The following PTK2 variants were observed in gnomAD, a reference collection of about 807,000 sequenced individuals.
PTK2 encodes protein tyrosine kinase 2.
Under a neutral mutation model 150.1 loss-of-function variants are expected in PTK2, and 45 were observed. That is an observed-to-expected ratio of 0.30 (90% CI 0.24 to 0.38). PTK2 has a LOEUF of 0.38. Ranked by LOEUF, PTK2 falls within the 10% of genes least tolerant of loss-of-function variation. PTK2 has a pLI of 1.00. For missense variants in PTK2, 919 were observed against 1,307.3 expected, an observed-to-expected ratio of 0.70 and a Z score of 4.58; for synonymous variants, 432 against 449.2, an observed-to-expected ratio of 0.96 and a Z score of 0.48.
chr8:140,852,166 C>T (rs1191806944), intron 5 of PTK2, among the ~76,000 whole-genome samples: 1 of 152,184 alleles, frequency 6.6e-6, no homozygotes, highest in Non-Finnish European at 1.5e-5. Context: ...AAAACCCATG[C>T]CCTACTGTGT....
chr8:140,833,861 T>C (rs1450000747), intron 7 of PTK2, among the ~76,000 whole-genome samples: 1 of 152,130 alleles, frequency 6.6e-6, no homozygotes, highest in Non-Finnish European at 1.5e-5. Flanking sequence ...AACCCAAGCA[T>C]CAGTTTATTA....
At chr8:140,848,011 A>ACCTACCCACTCAT (rs1484577028) in intron 5 of PTK2, among the ~76,000 whole-genome samples, 6 of 152,166 alleles carry the variant, frequency 3.9e-5, no homozygotes, top group African/African-American at 1.4e-4. Context: ...GCCACGTTGA[A>ACCTACCCACTCAT]CCTACCCACT....
At chr8:140,669,945 A>G in intron 29 of PTK2, 1 of 612,314 alleles carries the variant, frequency 1.6e-6, no homozygotes, top group South Asian at 2.0e-5. Context: ...GCCCCAGCAT[A>G]CTGCATAGAG....
rs577263335 is a variant in PTK2, at chr8:140,712,075, T to A, written c.2142+5523A>T. Reference sequence around the variant, plus strand: ...ACCCCTTTACAGTCTTAAAAATTACTGAGGACTCTAAGAGTTTTTGTTTAT... The same window carrying A: ...ACCCCTTTACAGTCTTAAAAATTACAGAGGACTCTAAGAGTTTTTGTTTAT... On this transcript the variant is annotated intron_variant, in intron 23 of 31. Coordinates refer to ENST00000522684, the Ensembl canonical transcript of PTK2. Among the ~76,000 whole-genome samples the A allele has an allele frequency of 1.6e-4, 24 of 152,304 alleles. 1 individual carries two copies. The East Asian group carries it at 4.2e-3, about 27-fold the overall frequency.
At chr8:140,833,236 C>T (rs1421724963) in intron 7 of PTK2, among the ~76,000 whole-genome samples, 1 of 151,502 alleles carries the variant, frequency 6.6e-6, no homozygotes, top group East Asian at 1.9e-4. Context: ...TTTTCTTAAA[C>T]TTCTTTTGAC....
At chr8:140,803,774 A>G (rs546872422) in intron 10 of PTK2, 124 bp from the exon 11 acceptor site, 69 of 830,438 alleles carry the variant, frequency 8.3e-5, no homozygotes, top group Middle Eastern at 2.5e-4. Flanking sequence ...AGGTCTGGGG[A>G]AAAAAACAGA....
chr8:140,695,618 T>C (rs1458928149), intron 26 of PTK2, among the ~76,000 whole-genome samples: 1 of 152,042 alleles, frequency 6.6e-6, no homozygotes, highest in African/African-American at 2.4e-5. Context: ...GCCATGTTGG[T>C]CTTGAACTCC....
At position 140,714,037 on chromosome 8, in the gene PTK2, C is replaced by A. The variant is rs140934144; in HGVS notation, c.2142+3561G>T. Among the ~76,000 whole-genome samples the A allele has an allele frequency of 1.2e-4, 18 of 152,094 alleles. No homozygotes were observed. In the East Asian group the frequency reaches 3.3e-3, roughly 28 times the overall value. On this transcript the variant is annotated intron_variant, in intron 23 of 31. Coordinates refer to ENST00000522684, the Ensembl canonical transcript of PTK2. ...CTGAGTAGCTAGGACCACAGGCACA[C>A]GCCACTAAATTTGGCTAATTTTTAA...
intron 1 of PTK2, among the ~76,000 whole-genome samples, chr8:140,933,715 T>C (rs539928353): frequency 1.3e-5 from 2 of 152,164 alleles, no homozygotes; most frequent in South Asian, 2.1e-4. Context: ...AGAAAGTAGG[T>C]TAGTGGTTTC....
chr8:140,705,760 G>C lies in PTK2; in HGVS notation c.2229+359C>G, dbSNP rs79105752. On this transcript the variant is annotated intron_variant, in intron 24 of 31. Transcript: ENST00000522684. ...CCATATGGTATTTCATCTGGGTTCT[G>C]TTAATTTTGAATTTTGTTCTTGCCT... is the stretch of plus-strand genomic sequence containing the variant. 7.4e-3 allele frequency among the ~76,000 whole-genome samples: 1,125 copies of C among 152,258 alleles called. 11 individuals carry two copies. Among genetic ancestry groups the C allele is most frequent in the African/African-American group, 0.026 (1,079 of 41,540 alleles).
chr8:140,989,703 A>T (rs1197944136), intron 1 of PTK2, among the ~76,000 whole-genome samples: 2 of 151,918 alleles, frequency 1.3e-5, no homozygotes, highest in Non-Finnish European at 2.9e-5. Context: ...AAGGAGAGGA[A>T]TTCGGGACCA....
At chr8:140,961,316 T>TA (rs2100183088) in intron 1 of PTK2, among the ~76,000 whole-genome samples, 1 of 152,204 alleles carries the variant, frequency 6.6e-6, no homozygotes, top group Non-Finnish European at 1.5e-5. Context: ...TCAGCAACCA[T>TA]ACCAAATCTC....
intron 4 of PTK2, among the ~76,000 whole-genome samples, chr8:140,874,013 T>A (rs1011207308): frequency 6.6e-6 from 1 of 152,196 alleles, no homozygotes; most frequent in Admixed American, 6.5e-5. Flanking sequence ...TAAACTTATT[T>A]TTTTACAGTT....
intron 1 of PTK2, among the ~76,000 whole-genome samples, chr8:140,935,995 C>T (rs1288033468): frequency 6.6e-6 from 1 of 151,968 alleles, no homozygotes; most frequent in African/African-American, 2.4e-5. Flanking sequence ...CAAAGTGAAA[C>T]CCCATCTCTC....
chr8:140,851,460 A>T (rs1413821817), intron 5 of PTK2, among the ~76,000 whole-genome samples: 1 of 152,226 alleles, frequency 6.6e-6, no homozygotes, highest in Non-Finnish European at 1.5e-5. Context: ...ATTACTTTGG[A>T]TGTTCTATTG....
Position 140,803,395 on chromosome 8 carries a change from T to C in PTK2, c.975+148A>G, listed in dbSNP as rs111279389. The C allele has an allele frequency of 8.2e-5, 56 of 679,640 alleles. 1 individual carries two copies. Among genetic ancestry groups the C allele is most frequent in the African/African-American group, 8.2e-4 (45 of 54,962 alleles). 42.1% of individuals were successfully genotyped at this position (679,640 alleles called of 1,614,324 possible). ...TATTCTTGGGGACATTTAATCATTA[T>C]TGTTTCTAATGTAACCCTTTCTATA... On this transcript the variant is annotated intron_variant, in intron 11 of 31. Transcript: ENST00000522684.
At chr8:140,875,008 T>C (rs371844467) in intron 4 of PTK2, among the ~76,000 whole-genome samples, 4 of 152,140 alleles carry the variant, frequency 2.6e-5, no homozygotes, top group East Asian at 1.9e-4. Flanking sequence ...ATATATAATA[T>C]CAGTCTTCAG....
At chr8:140,881,239 G>GTTCA (rs1418637463) in intron 3 of PTK2, among the ~76,000 whole-genome samples, 2 of 152,174 alleles carry the variant, frequency 1.3e-5, no homozygotes, top group African/African-American at 4.8e-5. Flanking sequence ...TCCAGCTGAG[G>GTTCA]GTGAAAAGAG....
intron 14 of PTK2, among the ~76,000 whole-genome samples, chr8:140,776,372 C>T (rs1006012081): frequency 3.3e-5 from 5 of 152,174 alleles, no homozygotes; most frequent in African/African-American, 1.2e-4. Flanking sequence ...TTTTCCTTTA[C>T]AAATCCACTT....
Sources: allele counts gnomAD v4.1 joint callset (sites outside exome capture counted in the v4.1 genomes callset), GRCh38; gene constraint gnomAD v4.1.1; transcripts MANE v1.5; gene names NCBI Gene and HGNC (gene_info 2026-07-23, HGNC 2026-07-21).